PROZ: variants seen among roughly 807,000 people sequenced by gnomAD.
The protein encoded by PROZ is protein Z, vitamin K dependent plasma glycoprotein.
PROZ carries 46 observed loss-of-function variants against 34.9 expected under a neutral mutation model. That is an observed-to-expected ratio of 1.32 (90% CI 1.04 to 1.69). The LOEUF is 1.69. Among genes scored for constraint, PROZ ranks in the 40% most tolerant of loss-of-function variants. The probability of loss-of-function intolerance (pLI) is 0.00; values close to 1 mark genes in which losing one functional copy is unlikely to be tolerated. For missense variants in PROZ, 530 were observed against 520.4 expected (o/e 1.02, Z -0.18); for synonymous variants, 195 against 208.5 (o/e 0.94, Z 0.56).
At position 113,171,864 on chromosome 13, in the gene PROZ, T is replaced by G. The variant is rs1566933025; in HGVS notation, c.962T>G (p.Leu321Arg). The change falls in exon 8 of 8, where the codon CTT becomes CGT. Residue 321 changes from leucine to arginine, a missense_variant. Physicochemically the swap from Leu to Arg is moderately radical, Grantham distance 102 (BLOSUM62 -2). Transcript: ENST00000375547. This position sits in a 1 kb window ranked among gnomAD's most constrained non-coding sequence, Gnocchi z 5.1. ...GNSLTTRPVT[L>R]VEGEECGQVL... The stretch of plus-strand genomic sequence containing the variant: ...TCGCTGACCACGCGGCCTGTCACAC[T>G]TGTGGAGGGGGAGGAGTGCGGGCAG... The G allele has an allele frequency of 6.2e-7, 1 of 1,613,638 alleles. No individual in the cohort carries two copies. The highest frequency in any genetic ancestry group is 8.5e-7 in the Non-Finnish European group (1 of 1,180,022).
At position 113,172,218 on chromosome 13, in the gene PROZ, C is replaced by T. The variant is rs1015953761; in HGVS notation, c.*113C>T. 2.0e-5 allele frequency: 28 copies of T among 1,431,062 alleles called. No homozygotes were observed. The highest frequency in any genetic ancestry group is 2.6e-5 in the Non-Finnish European group (27 of 1,048,910). The allele number at this position is 1,431,062 out of a possible 1,614,324, so 88.6% of individuals were successfully genotyped here. A position where few individuals can be genotyped will look rare whatever the true frequency, so the allele number is the denominator to read the frequency against. On this transcript the variant is annotated 3_prime_UTR_variant, in exon 8 of 8. Coordinates refer to ENST00000375547, the MANE Select transcript of PROZ (RefSeq NM_003891.3). ...TCACACACTGAGAGGCCGTCACAGC[C>T]CCAGACCACCCGCTTGGCCCACGCA...
In PROZ at chr13:113,158,743, C is replaced by T. The variant is rs1424191239; in HGVS notation, c.70+13C>T. The T allele has an allele frequency of 1.9e-6, 3 of 1,592,732 alleles. No individual in the cohort carries two copies. The East Asian group carries it at 6.9e-5, about 36-fold the overall frequency. On this transcript the variant is annotated intron_variant, in intron 1 of 7. Coordinates refer to ENST00000375547, the MANE Select transcript of PROZ (RefSeq NM_003891.3). This position sits in a 1 kb window ranked among gnomAD's most constrained non-coding sequence, Gnocchi z 4.3. Reference sequence around the variant, plus strand: ...GTGGAGCCCTCAGGTAGGCATCTGGCTTACCTGTCTGTTGTGCCTGTGCTG... The same window carrying T: ...GTGGAGCCCTCAGGTAGGCATCTGGTTTACCTGTCTGTTGTGCCTGTGCTG...
intron 4 of PROZ, 119 bp from the exon 5 acceptor site, chr13:113,164,394 A>T (rs3024731): frequency 0.72 from 835,828 of 1,154,872 alleles, 307,548 homozygotes; most frequent in Middle Eastern, 0.77. Flanking sequence ...ACACACCAGA[A>T]CTCTTGTGTG....
chr13:113,161,034 G>C (rs1298087390), intron 3 of PROZ, 62 bp downstream of exon 3: 1 of 1,447,708 alleles, frequency 6.9e-7, no homozygotes. Context: ...GCGTGGGTGG[G>C]CTTAGGACGC....
chr13:113,159,049 GAC>G lies in PROZ; in HGVS notation c.70+320_70+321del. 1 of 651,000 alleles carries G rather than the reference GAC, an allele frequency of 1.5e-6. No individual in the cohort carries two copies. The highest frequency in any genetic ancestry group is 2.5e-5 in the Admixed American group (1 of 40,272). The allele number at this position is 651,000 out of a possible 1,614,324, so 40.3% of individuals were successfully genotyped here. A position where few individuals can be genotyped will look rare whatever the true frequency, so the allele number is the denominator to read the frequency against. On this transcript the variant is annotated intron_variant, in intron 1 of 7. Transcript: ENST00000375547. This position sits in a 1 kb window ranked among gnomAD's most constrained non-coding sequence, Gnocchi z 4.6. ...GGGGGGAGGCCTGGGTTGGGCATTG[GAC>G]GAGGGGAGGGGGTGGGGCAGGCTGA...
intron 6 of PROZ, among the ~76,000 whole-genome samples, chr13:113,167,790 A>G (rs747847459): frequency 2.6e-5 from 4 of 151,468 alleles, no homozygotes; most frequent in Non-Finnish European, 5.9e-5. Context: ...ATTTATTGTA[A>G]TTGTCGATAT....
At chr13:113,161,177 G>T (rs1236567472) in intron 3 of PROZ, among the ~76,000 whole-genome samples, 1 of 152,204 alleles carries the variant, frequency 6.6e-6, no homozygotes, top group Non-Finnish European at 1.5e-5. Flanking sequence ...AGGGCCACAG[G>T]CAGTGCCTGG....
chr13:113,164,765 A>C (rs2138585706), intron 5 of PROZ, 121 bp downstream of exon 5: 1 of 1,467,840 alleles, frequency 6.8e-7, no homozygotes, highest in Non-Finnish European at 9.3e-7. Flanking sequence ...GCCACGACTC[A>C]GAAGGTGGTC....
intron 6 of PROZ, among the ~76,000 whole-genome samples, chr13:113,168,330 T>C (rs2037007662): frequency 6.6e-6 from 1 of 152,216 alleles, no homozygotes; most frequent in African/African-American, 2.4e-5. Context: ...CCCTTTGATA[T>C]CTGCTGTGCT....
chr13:113,167,414 T>C (rs1354439189), intron 6 of PROZ, among the ~76,000 whole-genome samples: 1 of 152,250 alleles, frequency 6.6e-6, no homozygotes, highest in Non-Finnish European at 1.5e-5. Context: ...CATTTTGCAT[T>C]AGACGGTTGA....
chr13:113,168,056 C>T lies in PROZ; in HGVS notation c.574-2357C>T, dbSNP rs575454775. On this transcript the variant is annotated intron_variant, in intron 6 of 7. Transcript: ENST00000375547. ...GCATGAGTCCTTACAGCAATCATGC[C>T]CCATTCCTCCCCTCCTGACCTGGGT... 2.0e-5 allele frequency among the ~76,000 whole-genome samples: 3 copies of T among 152,288 alleles called. No individual in the cohort carries two copies. In the East Asian group the frequency reaches 5.8e-4, roughly 29 times the overall value.
chr13:113,172,005 C>G lies in PROZ; in HGVS notation c.1103C>G (p.Thr368Arg). The change falls in exon 8 of 8, where the codon ACG becomes AGG. Residue 368 changes from threonine to arginine, a missense_variant. Physicochemically the swap from Thr to Arg is moderately conservative, Grantham distance 71. Transcript: ENST00000375547. ...GAACACAGAGGCTCCTGGTTTCTCA[C>G]GGGGGTCCTGGGCTCGCAGCCAGTA... is the stretch of plus-strand genomic sequence containing the variant. ...TREHRGSWFL[T>R]GVLGSQPVGG... The G allele has an allele frequency of 6.2e-7, 1 of 1,613,188 alleles. No homozygotes were observed. The highest frequency in any genetic ancestry group is 1.1e-5 in the South Asian group (1 of 91,076).
At position 113,159,654 on chromosome 13, in the gene PROZ, T is replaced by G. The variant is rs971954706; in HGVS notation, c.71-360T>G. ...CAGAGGCAGCACAGGAGCTGATGGC[T>G]CTTGGTCCCCAGTTCTCAGTACGGG... On this transcript the variant is annotated intron_variant, in intron 1 of 7. Transcript: ENST00000375547. The surrounding 1 kb of genome is among the most constrained non-coding windows in gnomAD (Gnocchi z 4.6). Among the ~76,000 whole-genome samples the G allele has an allele frequency of 6.6e-6, 1 of 152,248 alleles. No homozygotes were observed. Among genetic ancestry groups the G allele is most frequent in the Non-Finnish European group, 1.5e-5 (1 of 68,046 alleles).
chr13:113,161,494 T>G (rs545834314), intron 3 of PROZ, among the ~76,000 whole-genome samples: 38 of 151,892 alleles, frequency 2.5e-4, no homozygotes, highest in Non-Finnish European at 5.3e-4. Flanking sequence ...CACCTGGGAA[T>G]GAGTAAGCAA....
chr13:113,166,185 A>T (rs1595118316), intron 6 of PROZ: 1 of 152,174 alleles, frequency 6.6e-6, no homozygotes, highest in Admixed American at 6.5e-5. Flanking sequence ...ATAATTTAAA[A>T]TTTTCTAGTA....
Position 113,163,129 on chromosome 13 carries a change from C to A in PROZ, c.373+7C>A. The A allele has an allele frequency of 1.3e-6, 2 of 1,542,028 alleles. No homozygotes were observed. The highest frequency in any genetic ancestry group is 1.8e-6 in the Non-Finnish European group (2 of 1,138,508). On this transcript the variant is annotated splice_region_variant and intron_variant, in intron 4 of 7. Transcript: ENST00000375547. The stretch of plus-strand genomic sequence containing the variant: ...GGCAGCAACTGCGAGCTGGGTGAGG[C>A]CCCGGCCGTCCCCTTCCCCCAAGGG...
rs749104789 is a variant in PROZ at position 113,163,036 on chromosome 13, G to C, written c.287G>C (p.Cys96Ser). Residue 96 changes from cysteine (C) to serine (S), a missense_variant, in exon 4 of 8, where the codon TGC (cysteine) becomes TCC (serine). Physicochemically the swap from Cys to Ser is moderately radical, Grantham distance 112. Transcript: ENST00000375547. ...KGGSPCISQP[C>S]LHNGSCQDSI... ...GGCTCCCCGTGCATCTCCCAGCCCT[G>C]CCTCCACAACGGCTCTTGCCAGGAC... 1.9e-6 allele frequency: 3 copies of C among 1,554,554 alleles called. No individual in the cohort carries two copies. The Admixed American group carries it at 5.8e-5, about 30-fold the overall frequency.
chr13:113,164,200 G>C (rs919645104), intron 4 of PROZ, among the ~76,000 whole-genome samples: 3 of 151,954 alleles, frequency 2.0e-5, no homozygotes, highest in Non-Finnish European at 2.9e-5. Flanking sequence ...GGCTGGTCTT[G>C]ATCTCCTGAC....
chr13:113,169,213 T>C (rs1035924252), intron 6 of PROZ, among the ~76,000 whole-genome samples: 42 of 152,368 alleles, frequency 2.8e-4, no homozygotes, highest in African/African-American at 9.1e-4. Context: ...AGGTCATCAA[T>C]CTGTTCTTCT....
Sources: allele counts gnomAD v4.1 joint callset (sites outside exome capture counted in the v4.1 genomes callset), GRCh38; gene constraint gnomAD v4.1.1; non-coding constraint Gnocchi (gnomAD v3.1); transcripts MANE v1.5; gene names NCBI Gene and HGNC (gene_info 2026-07-23, HGNC 2026-07-21).